ZFP91: variants seen among roughly 807,000 people sequenced by gnomAD.
ZFP91 encodes the protein ZFP91 zinc finger protein, atypical E3 ubiquitin ligase, also known as E3 ubiquitin-protein ligase ZFP91.
Under a neutral mutation model 63.5 loss-of-function variants are expected in ZFP91, and 7 were observed. That is an observed-to-expected ratio of 0.11 (90% CI 0.06 to 0.21). The LOEUF (loss-of-function observed/expected upper bound fraction) is 0.21. Among genes scored for constraint, ZFP91 ranks in the 10% least tolerant of loss-of-function variants. The probability of loss-of-function intolerance (pLI) is 1.00; values close to 1 mark genes in which losing one functional copy is unlikely to be tolerated. For synonymous variants in ZFP91, 330 were observed against 272.1 expected (o/e 1.21, Z -2.10); for missense variants, 628 against 736.6 (o/e 0.85, Z 1.71).
In ZFP91 at chr11:58,611,839, C is replaced by G. The variant is rs1855670473; in HGVS notation, c.857+101C>G. ...GAAGGATGTTGACGTATACATGCTT[C>G]AAAATATGTATTTTTTAACTTAAAA... On this transcript the variant is annotated intron_variant, in intron 6 of 10. Coordinates refer to ENST00000316059, the MANE Select transcript of ZFP91 (RefSeq NM_053023.5). 3 of 1,360,178 alleles carry G rather than the reference C, an allele frequency of 2.2e-6. No individual in the cohort carries two copies. In the African/African-American group the frequency reaches 4.5e-5, roughly 20 times the overall value. The allele number at this position is 1,360,178 out of a possible 1,614,324, so 84.3% of individuals were successfully genotyped here.
intron 2 of ZFP91, among the ~76,000 whole-genome samples, chr11:58,608,872 G>C (rs1855611883): frequency 6.6e-6 from 1 of 152,102 alleles, no homozygotes; most frequent in Admixed American, 6.5e-5. Flanking sequence ...CAAAGTGCTG[G>C]GATTACAGGT....
chr11:58,584,659 T>C (rs1158444146), intron 1 of ZFP91, among the ~76,000 whole-genome samples, 197 bp from the exon 2 acceptor site: 4 of 152,106 alleles, frequency 2.6e-5, no homozygotes, highest in Non-Finnish European at 5.9e-5. Flanking sequence ...ACATGAACTG[T>C]TTCAAGTGCT....
chr11:58,610,695 A>G (rs534758188), intron 4 of ZFP91, among the ~76,000 whole-genome samples: 2 of 152,294 alleles, frequency 1.3e-5, no homozygotes, highest in Non-Finnish European at 2.9e-5. Context: ...CAGTATTACA[A>G]AGTCAGTTGT....
At position 58,621,353 on chromosome 11, in the gene ZFP91, A is replaced by G. The variant is rs1855848769; in HGVS notation, c.*3647A>G. Among the ~76,000 whole-genome samples the G allele has an allele frequency of 6.6e-6, 1 of 152,228 alleles. No homozygotes were observed. Among genetic ancestry groups the G allele is most frequent in the Admixed American group, 6.5e-5 (1 of 15,282 alleles). ...ATGTGAGGTTAATTTTACCCTGATAATGACAAAACCTTGATAGCATTTAAT... is the reference window on the plus strand; with the variant it reads ...ATGTGAGGTTAATTTTACCCTGATAGTGACAAAACCTTGATAGCATTTAAT... On this transcript the variant is annotated 3_prime_UTR_variant, in exon 11 of 11. Transcript: ENST00000316059.
At position 58,619,538 on chromosome 11, in the gene ZFP91, A is replaced by G. The variant is rs1291328152; in HGVS notation, c.*1832A>G. On this transcript the variant is annotated 3_prime_UTR_variant, in exon 11 of 11. Transcript: ENST00000316059. ...CAAACATGGCTTATCAATTTTTTCA[A>G]AGAATTCTTTTTTCCCAAAAAGAGG... 6.6e-6 allele frequency: 1 copy of G among 152,644 alleles called. No individual in the cohort carries two copies. The highest frequency in any genetic ancestry group is 1.5e-5 in the Non-Finnish European group (1 of 68,050). 9.5% of individuals were successfully genotyped at this position (152,644 alleles called of 1,614,324 possible).
chr11:58,611,560 G>T (rs1207846202), intron 5 of ZFP91, 44 bp from the exon 6 acceptor site: 3 of 1,589,600 alleles, frequency 1.9e-6, no homozygotes, highest in Admixed American at 1.8e-5. Flanking sequence ...AGTCTTCCTT[G>T]AAAAGATCTT....
intron 2 of ZFP91, among the ~76,000 whole-genome samples, chr11:58,603,201 T>C (rs565352949): frequency 1.7e-4 from 26 of 152,354 alleles, no homozygotes; most frequent in African/African-American, 6.0e-4. Flanking sequence ...TGAGTAGATT[T>C]ACAAACAACG....
chr11:58,588,997 G>T (rs1855259269), intron 2 of ZFP91, among the ~76,000 whole-genome samples: 1 of 152,188 alleles, frequency 6.6e-6, no homozygotes, highest in Non-Finnish European at 1.5e-5. Context: ...TAGAAAAAGA[G>T]TTCTGGAAGG....
In ZFP91 at chr11:58,620,858, C is replaced by CAGGA. The variant is rs1855838698; in HGVS notation, c.*3153_*3156dup. 6.6e-6 allele frequency: 1 copy of CAGGA among 152,520 alleles called. No homozygotes were observed. The highest frequency in any genetic ancestry group is 1.5e-5 in the Non-Finnish European group (1 of 68,010). The allele number at this position is 152,520 out of a possible 1,614,324, so 9.4% of individuals were successfully genotyped here. On this transcript the variant is annotated 3_prime_UTR_variant, in exon 11 of 11. Transcript: ENST00000316059. ...AGCCTTTTTTGCCTGTTGTAATGTG[C>CAGGA]AGGACCCTTCTCCTTTCATGGGAGA...
At chr11:58,596,267 G>A (rs1298487801) in intron 2 of ZFP91, among the ~76,000 whole-genome samples, 1 of 152,204 alleles carries the variant, frequency 6.6e-6, no homozygotes, top group Non-Finnish European at 1.5e-5. Flanking sequence ...GGAGGAAGAA[G>A]AAGAATCGTT....
In ZFP91 at chr11:58,583,648, A is replaced by G. The variant is rs567595562; in HGVS notation, c.342-1208A>G. 3.3e-5 allele frequency among the ~76,000 whole-genome samples: 5 copies of G among 152,234 alleles called. No homozygotes were observed. In the East Asian group the frequency reaches 9.6e-4, roughly 29 times the overall value. On this transcript the variant is annotated intron_variant, in intron 1 of 10. Transcript: ENST00000316059. ...GAAAAGTTTGTTATATAATTTTTCAAAAATTTAGCAATTATTTCTGCAGTT... is the reference window on the plus strand; with the variant it reads ...GAAAAGTTTGTTATATAATTTTTCAGAAATTTAGCAATTATTTCTGCAGTT...
intron 1 of ZFP91, among the ~76,000 whole-genome samples, chr11:58,580,477 TATTCA>T (rs1325764839): frequency 2.0e-5 from 3 of 150,590 alleles, no homozygotes; most frequent in Non-Finnish European, 4.4e-5. Context: ...TCACATTGAC[TATTCA>T]ATTCATGACT....
In ZFP91 at chr11:58,584,859, C is replaced by T; in HGVS notation, c.345C>T (p.Cys115=). ...GTTTGATTCTTATTTCTTTCAGATG[C>T]ATAGAAAAAGTAACAACTGATAAAG... The part of the protein sequence containing the change: ...VQGKKSPRLL[C]IEKVTTDKDP... Residue 115 remains cysteine, a synonymous_variant, in exon 2 of 11, where the codon TGC becomes TGT. Coordinates refer to ENST00000316059, the MANE Select transcript of ZFP91 (RefSeq NM_053023.5). 2 of 1,529,220 alleles carry T rather than the reference C, an allele frequency of 1.3e-6. No individual in the cohort carries two copies. The highest frequency in any genetic ancestry group is 1.7e-6 in the Non-Finnish European group (2 of 1,147,670). The allele number at this position is 1,529,220 out of a possible 1,614,324, so 94.7% of individuals were successfully genotyped here.
At chr11:58,603,020 G>C (rs1855516073) in intron 2 of ZFP91, among the ~76,000 whole-genome samples, 1 of 152,166 alleles carries the variant, frequency 6.6e-6, no homozygotes, top group Admixed American at 6.5e-5. Flanking sequence ...TTGCCTTGAA[G>C]AGATGGTCAA....
intron 9 of ZFP91, 40 bp from the exon 10 acceptor site, chr11:58,616,676 G>T (rs186791664): frequency 1.3e-6 from 2 of 1,541,828 alleles, no homozygotes; most frequent in African/African-American, 1.4e-5. Flanking sequence ...TATTTACAGG[G>T]TATCTAAATA....
chr11:58,617,847 C>A lies in ZFP91; in HGVS notation c.*141C>A. Reference sequence around the variant, plus strand: ...TTTCCATTGTGGATCACAGCACACACATACATACACCCTCCACCTCCCCAT... The same window carrying A: ...TTTCCATTGTGGATCACAGCACACAAATACATACACCCTCCACCTCCCCAT... On this transcript the variant is annotated 3_prime_UTR_variant, in exon 11 of 11. Coordinates refer to ENST00000316059, the MANE Select transcript of ZFP91 (RefSeq NM_053023.5). This position sits in a 1 kb window ranked among gnomAD's most constrained non-coding sequence, Gnocchi z 4.2. 1 of 1,123,936 alleles carries A rather than the reference C, an allele frequency of 8.9e-7. No homozygotes were observed. The highest frequency in any genetic ancestry group is 1.2e-6 in the Non-Finnish European group (1 of 855,794). The allele number at this position is 1,123,936 out of a possible 1,614,324, so 69.6% of individuals were successfully genotyped here.
At chr11:58,608,658 G>A (rs1243975817) in intron 2 of ZFP91, among the ~76,000 whole-genome samples, 1 of 152,132 alleles carries the variant, frequency 6.6e-6, no homozygotes, top group Non-Finnish European at 1.5e-5. Context: ...AGGCTGGAGT[G>A]CAGTGGCGCA....
chr11:58,617,767 CAA>C lies in ZFP91; in HGVS notation c.*70_*71del. 2 of 1,330,452 alleles carry C rather than the reference CAA, an allele frequency of 1.5e-6. No individual in the cohort carries two copies. Among genetic ancestry groups the C allele is most frequent in the Non-Finnish European group, 2.0e-6 (2 of 1,022,580 alleles). The allele number at this position is 1,330,452 out of a possible 1,614,324, so 82.4% of individuals were successfully genotyped here. ...CTTTGTATTTAAAAGTTAAAAAGGA[CAA>C]AAAAAAAATCTAAAGCATTTAAAAT... On this transcript the variant is annotated 3_prime_UTR_variant, in exon 11 of 11. Transcript: ENST00000316059. This position sits in a 1 kb window ranked among gnomAD's most constrained non-coding sequence, Gnocchi z 4.2.
chr11:58,592,597 A>G (rs1855326254), intron 2 of ZFP91, among the ~76,000 whole-genome samples: 1 of 152,098 alleles, frequency 6.6e-6, no homozygotes, highest in African/African-American at 2.4e-5. Context: ...ACACTGTATG[A>G]TCTCGCTTGT....
Sources: allele counts gnomAD v4.1 joint callset (sites outside exome capture counted in the v4.1 genomes callset), GRCh38; gene constraint gnomAD v4.1.1; non-coding constraint Gnocchi (gnomAD v3.1); transcripts MANE v1.5; gene names NCBI Gene and HGNC (gene_info 2026-07-23, HGNC 2026-07-21).